The following HMCN1 variants were observed in gnomAD, a reference collection of about 807,000 sequenced individuals.
HMCN1 encodes the protein hemicentin 1.
In HMCN1, 321 loss-of-function variants were observed where a neutral mutation model predicts 625.9. That is an observed-to-expected ratio of 0.51 (90% confidence interval 0.47 to 0.56). HMCN1 has a LOEUF of 0.56. Among genes scored for constraint, HMCN1 ranks in the 20% least tolerant of loss-of-function variants. The pLI is 0.00. For synonymous variants in HMCN1, 2,425 were observed against 2,417.6 expected, an observed-to-expected ratio of 1.00 and a Z score of -0.09; for missense variants, 6,588 against 6,887.3, an observed-to-expected ratio of 0.96 and a Z score of 1.54.
chr1:186,152,234 G>A (rs1650719352), intron 95 of HMCN1, among the ~76,000 whole-genome samples: 1 of 152,176 alleles, frequency 6.6e-6, no homozygotes, highest in Non-Finnish European at 1.5e-5. Context: ...CAGATGTTTA[G>A]AGAGCTCCAT....
chr1:186,068,638 C>T (rs917002037), intron 50 of HMCN1, among the ~76,000 whole-genome samples: 6 of 151,976 alleles, frequency 3.9e-5, no homozygotes, highest in Admixed American at 6.6e-5. Flanking sequence ...GAGGCTGAGG[C>T]GGGCAGATCA....
chr1:185,844,714 G>T (rs887733491), intron 1 of HMCN1, among the ~76,000 whole-genome samples: 1 of 152,128 alleles, frequency 6.6e-6, no homozygotes, highest in Admixed American at 6.6e-5. Context: ...ATATATCTAA[G>T]CACATGGTAC....
chr1:185,903,935 C>A (rs916557795), intron 4 of HMCN1, among the ~76,000 whole-genome samples: 1 of 151,866 alleles, frequency 6.6e-6, no homozygotes, highest in African/African-American at 2.4e-5. Context: ...AATTTGCCAG[C>A]ATCAGGACAA....
At chr1:186,021,268 G>T (rs1233947704) in intron 35 of HMCN1, among the ~76,000 whole-genome samples, 1 of 152,062 alleles carries the variant, frequency 6.6e-6, no homozygotes, top group Non-Finnish European at 1.5e-5. Flanking sequence ...TGCATGGCTA[G>T]TGTTGCCATA....
rs563553327 is a variant in HMCN1, at chr1:186,106,156, A to T, written c.10771-728A>T. Among the ~76,000 whole-genome samples the T allele has an allele frequency of 1.3e-3, 198 of 152,224 alleles. 3 individuals carry two copies. The highest frequency in any genetic ancestry group is 3.4e-3 in the Middle Eastern group (1 of 294). ...AAGTAGTAAAATAAATGAGAACAGG[A>T]TTTTTCTGTTTTTCCAAAATACATT... On this transcript the variant is annotated intron_variant, in intron 69 of 106. Coordinates refer to ENST00000271588, the MANE Select transcript of HMCN1 (RefSeq NM_031935.3).
At chr1:186,166,425 A>G (rs72707470) in intron 99 of HMCN1, 122 bp downstream of exon 99, 36,014 of 1,234,986 alleles carry the variant, frequency 0.029, 2,136 homozygotes, top group African/African-American at 0.23. Context: ...GGCAACAAAC[A>G]AAGAAGGTCT....
intron 1 of HMCN1, among the ~76,000 whole-genome samples, chr1:185,762,816 A>G (rs758878238): frequency 7.2e-5 from 11 of 152,206 alleles, no homozygotes; most frequent in Non-Finnish European, 1.2e-4. Flanking sequence ...TAAGAGCACA[A>G]GGTCCCAGGT....
intron 2 of HMCN1, among the ~76,000 whole-genome samples, chr1:185,859,029 G>A (rs1478063226): frequency 6.4e-5 from 8 of 124,796 alleles, no homozygotes; most frequent in African/African-American, 3.3e-4. Flanking sequence ...ATGTGTGTGT[G>A]TGTGTGTGTG....
chr1:185,997,328 G>A lies in HMCN1; in HGVS notation c.3779-101G>A, dbSNP rs983672430. The A allele has an allele frequency of 1.4e-5, 11 of 766,056 alleles. No individual in the cohort carries two copies. In the African/African-American group the frequency reaches 1.7e-4, roughly 12 times the overall value. 47.5% of individuals were successfully genotyped at this position (766,056 alleles called of 1,614,324 possible). A position where few individuals can be genotyped will look rare whatever the true frequency, so the allele number is the denominator to read the frequency against. ...GGAATCATATTTAAAAGAAGAATCA[G>A]CAGAGATAGCAACTCATCAGTGCAG... On this transcript the variant is annotated intron_variant, in intron 24 of 106. Transcript: ENST00000271588.
intron 4 of HMCN1, among the ~76,000 whole-genome samples, chr1:185,887,510 A>G (rs1312779065): frequency 1.4e-5 from 2 of 140,206 alleles, no homozygotes; most frequent in East Asian, 4.3e-4. Flanking sequence ...TCCTGTGTCC[A>G]TGTGATATCA....
At chr1:185,859,059 G>A (rs12747824) in intron 2 of HMCN1, among the ~76,000 whole-genome samples, 1 of 121,666 alleles carries the variant, frequency 8.2e-6, no homozygotes, top group Non-Finnish European at 1.7e-5. Flanking sequence ...GTGTGTGTGT[G>A]TGTATGTATA....
chr1:186,146,791 A>C (rs1650344279), intron 93 of HMCN1, among the ~76,000 whole-genome samples: 1 of 152,128 alleles, frequency 6.6e-6, no homozygotes, highest in Non-Finnish European at 1.5e-5. Context: ...TTTGTAGCTC[A>C]GCCTCTGGTA....
At chr1:185,927,954 T>C (rs1216466980) in intron 9 of HMCN1, among the ~76,000 whole-genome samples, 1 of 152,098 alleles carries the variant, frequency 6.6e-6, no homozygotes, top group Non-Finnish European at 1.5e-5. Context: ...AATGAATGAA[T>C]ACATAATATA....
intron 1 of HMCN1, among the ~76,000 whole-genome samples, chr1:185,829,211 A>G (rs1300737287): frequency 2.0e-5 from 3 of 152,158 alleles, no homozygotes; most frequent in Non-Finnish European, 4.4e-5. Context: ...AAGACTCCAA[A>G]GCATACAGAA....
intron 4 of HMCN1, 79 bp from the exon 5 acceptor site, chr1:185,909,258 C>G (rs145969288): frequency 8.9e-7 from 1 of 1,122,220 alleles, no homozygotes; most frequent in Non-Finnish European, 1.4e-6. Flanking sequence ...ATTTGATCAC[C>G]CAAAGGACCT....
intron 97 of HMCN1, among the ~76,000 whole-genome samples, chr1:186,164,217 T>C (rs1328806075): frequency 6.6e-6 from 1 of 151,910 alleles, no homozygotes; most frequent in Non-Finnish European, 1.5e-5. Context: ...TTAGCTTTTT[T>C]GTTTCTGACA....
At chr1:186,132,298 T>A in intron 85 of HMCN1, 30 bp from the exon 86 acceptor site, 1 of 1,560,516 alleles carries the variant, frequency 6.4e-7, no homozygotes, top group Non-Finnish European at 8.8e-7. Context: ...TAGGCTCATA[T>A]TTTTGTAAAA....
rs1169982468 is a variant in HMCN1, at chr1:185,981,044, CAG to C, written c.2637_2638del (p.Glu879AspfsTer24). 9 of 1,609,874 alleles carry C rather than the reference CAG, an allele frequency of 5.6e-6. No individual in the cohort carries two copies. The highest frequency in any genetic ancestry group is 7.7e-6 in the Non-Finnish European group (9 of 1,176,274). ...GAAAACCAGTTTGGAAAGATCCAGT[CAG>C]AGACAACAGTAACAGTGACCGGACT... On this transcript the variant is annotated frameshift_variant, in exon 17 of 107. Transcript: ENST00000271588. LOFTEE classifies it high-confidence loss of function.
chr1:185,743,370 A>G (rs973926398), intron 1 of HMCN1, among the ~76,000 whole-genome samples: 1 of 152,186 alleles, frequency 6.6e-6, no homozygotes, highest in Admixed American at 6.5e-5. Context: ...TCTCCCATCC[A>G]AGCTTGAATA....
Sources: allele counts gnomAD v4.1 joint callset (sites outside exome capture counted in the v4.1 genomes callset), GRCh38; gene constraint gnomAD v4.1.1; transcripts MANE v1.5; gene names NCBI Gene and HGNC (gene_info 2026-07-23, HGNC 2026-07-21).